MFHAS1: variants seen among roughly 807,000 people sequenced by gnomAD.
The protein encoded by MFHAS1 is multifunctional ROCO family signaling regulator 1, also known as malignant fibrous histiocytoma-amplified sequence 1.
MFHAS1 carries 50 observed loss-of-function variants against 70.4 expected under a neutral mutation model. The observed-to-expected ratio is 0.71, with a 90% CI of 0.57 to 0.90. MFHAS1 has a LOEUF of 0.90. MFHAS1 is among the 40% of genes least tolerant of loss of function. The pLI is 0.00. For synonymous variants in MFHAS1, 952 were observed against 620.0 expected (o/e 1.54, Z -7.96); for missense variants, 1,795 against 1,347.6 (o/e 1.33, Z -5.20).
rs1319641701 is a variant in MFHAS1, at chr8:8,893,589, C to T, written c.-531G>A. 6.8e-6 allele frequency: 1 copy of T among 146,428 alleles called. No homozygotes were observed. Among genetic ancestry groups the T allele is most frequent in the Non-Finnish European group, 1.5e-5 (1 of 65,810 alleles). The allele number at this position is 146,428 out of a possible 1,614,324, so 9.1% of individuals were successfully genotyped here. On this transcript the variant is annotated 5_prime_UTR_variant, in exon 1 of 3. Coordinates refer to ENST00000276282, the MANE Select transcript of MFHAS1 (RefSeq NM_004225.3). The stretch of plus-strand genomic sequence containing the variant: ...CCCCGGGCTCGGGCGGGAGCGCGGG[C>T]GCCGCGTCCCCGGCGCTGGGAGGGC...
intron 1 of MFHAS1, among the ~76,000 whole-genome samples, chr8:8,848,621 T>A (rs1441132507): frequency 2.9e-5 from 2 of 68,792 alleles, no homozygotes; most frequent in East Asian, 2.3e-3. Context: ...CAGTTATTAA[T>A]TTTTTTTAAA....
Position 8,843,216 on chromosome 8 carries a change from C to T in MFHAS1, c.2999-45725G>A, listed in dbSNP as rs561304767. On this transcript the variant is annotated intron_variant, in intron 1 of 2. Coordinates refer to ENST00000276282, the MANE Select transcript of MFHAS1 (RefSeq NM_004225.3). ...CCCCGGAAGCGGAGCTTGCAGTGAG[C>T]CGAGATTGCGCCACTGCAGTCCGCA... Among the ~76,000 whole-genome samples, 118 of 151,654 alleles carry T rather than the reference C, an allele frequency of 7.8e-4. 2 individuals are homozygous for T. The highest frequency in any genetic ancestry group is 2.6e-3 in the African/African-American group (109 of 41,186).
chr8:8,819,345 C>T (rs1806860883), intron 1 of MFHAS1, among the ~76,000 whole-genome samples: 1 of 152,112 alleles, frequency 6.6e-6, no homozygotes. Flanking sequence ...GTGGCTCACG[C>T]CTGTAATCCC....
At chr8:8,882,704 C>T (rs891020951) in intron 1 of MFHAS1, among the ~76,000 whole-genome samples, 1 of 152,224 alleles carries the variant, frequency 6.6e-6, no homozygotes, top group Non-Finnish European at 1.5e-5. Flanking sequence ...CTGCCCTGTG[C>T]CAGGCATTGC....
chr8:8,832,848 T>G (rs1028546713), intron 1 of MFHAS1, among the ~76,000 whole-genome samples: 2 of 152,178 alleles, frequency 1.3e-5, no homozygotes, highest in African/African-American at 2.4e-5. Flanking sequence ...TTGCCCAGGC[T>G]AAGAATTTTT....
chr8:8,823,018 C>A (rs917182423), intron 1 of MFHAS1, among the ~76,000 whole-genome samples: 22 of 152,010 alleles, frequency 1.4e-4, no homozygotes, highest in Non-Finnish European at 8.8e-5. Context: ...GACAGAAGAC[C>A]GGGAAGGAGA....
chr8:8,880,558 GTT>G (rs1809478472), intron 1 of MFHAS1, among the ~76,000 whole-genome samples: 1 of 152,172 alleles, frequency 6.6e-6, no homozygotes, highest in Non-Finnish European at 1.5e-5. Context: ...CATGACTCCA[GTT>G]TCCCTGCCTC....
rs551979629 is a variant in MFHAS1 at position 8,830,759 on chromosome 8, G to A, written c.2999-33268C>T. Among the ~76,000 whole-genome samples the A allele has an allele frequency of 8.5e-5, 13 of 152,148 alleles. 1 individual carries two copies. Among genetic ancestry groups the A allele is most frequent in the Admixed American group, 5.9e-4 (9 of 15,284 alleles). ...CTGGGATTACAGCACCACCATGCCC[G>A]GCTAATTTTTGTATTTTTAGTAGAG... On this transcript the variant is annotated intron_variant, in intron 1 of 2. Transcript: ENST00000276282.
chr8:8,879,480 G>C (rs1208181006), intron 1 of MFHAS1, among the ~76,000 whole-genome samples: 1 of 152,126 alleles, frequency 6.6e-6, no homozygotes, highest in Non-Finnish European at 1.5e-5. Context: ...CACAAGTTCT[G>C]CCTGAGATTT....
At chr8:8,799,813 C>T (rs1374990590) in intron 1 of MFHAS1, among the ~76,000 whole-genome samples, 1 of 152,206 alleles carries the variant, frequency 6.6e-6, no homozygotes, top group Non-Finnish European at 1.5e-5. Flanking sequence ...CCCGCAAAGG[C>T]CACACTGATA....
intron 1 of MFHAS1, among the ~76,000 whole-genome samples, chr8:8,875,942 T>A (rs1809273782): frequency 6.6e-6 from 1 of 152,202 alleles, no homozygotes; most frequent in South Asian, 2.1e-4. Flanking sequence ...GGTGTTCATA[T>A]GAACAGAGAT....
At chr8:8,859,032 A>G (rs764020564) in intron 1 of MFHAS1, among the ~76,000 whole-genome samples, 16 of 152,338 alleles carry the variant, frequency 1.1e-4, no homozygotes, top group South Asian at 1.0e-3. Context: ...TCTTCAGTCA[A>G]TAAGTTTGAA....
rs554750044 is a variant in MFHAS1, at chr8:8,885,277, C to T, written c.2998+4784G>A. 9.3e-5 allele frequency among the ~76,000 whole-genome samples: 14 copies of T among 150,018 alleles called. No individual in the cohort carries two copies. In the South Asian group the frequency reaches 2.9e-3, roughly 32 times the overall value. On this transcript the variant is annotated intron_variant, in intron 1 of 2. Coordinates refer to ENST00000276282, the MANE Select transcript of MFHAS1 (RefSeq NM_004225.3). ...AAAGCCACATAACTCATTCTGTCTACTGATTTGGGTTGCTTTCTCCTTATT... is the reference window on the plus strand; with the variant it reads ...AAAGCCACATAACTCATTCTGTCTATTGATTTGGGTTGCTTTCTCCTTATT...
chr8:8,805,160 A>C (rs191368161), intron 1 of MFHAS1, among the ~76,000 whole-genome samples: 1 of 152,238 alleles, frequency 6.6e-6, no homozygotes, highest in East Asian at 1.9e-4. Flanking sequence ...AGCCAAGGGG[A>C]AAAAACTGCT....
chr8:8,789,655 C>G (rs1017405485), intron 2 of MFHAS1, among the ~76,000 whole-genome samples: 3 of 152,262 alleles, frequency 2.0e-5, no homozygotes, highest in African/African-American at 7.2e-5. Flanking sequence ...TACTCCGGAC[C>G]TTGCAAACTC....
In MFHAS1 at chr8:8,893,171, G is replaced by A; in HGVS notation, c.-113C>T. The A allele has an allele frequency of 3.3e-6, 2 of 608,850 alleles. No individual in the cohort carries two copies. Among genetic ancestry groups the A allele is most frequent in the Non-Finnish European group, 4.6e-6 (2 of 437,682 alleles). 37.7% of individuals were successfully genotyped at this position (608,850 alleles called of 1,614,324 possible). ...CCTGCCTGCCCTCCCGCGCTCGGCGGCCGGCGGCCGCGGGTCCTAGCGCAG... is the reference window on the plus strand; with the variant it reads ...CCTGCCTGCCCTCCCGCGCTCGGCGACCGGCGGCCGCGGGTCCTAGCGCAG... On this transcript the variant is annotated 5_prime_UTR_variant, in exon 1 of 3. Transcript: ENST00000276282.
At chr8:8,816,667 C>A (rs1806758757) in intron 1 of MFHAS1, among the ~76,000 whole-genome samples, 1 of 152,066 alleles carries the variant, frequency 6.6e-6, no homozygotes. Context: ...GTAGAAAGTT[C>A]TCATATTAAT....
At chr8:8,847,879 C>T (rs2116865807) in intron 1 of MFHAS1, among the ~76,000 whole-genome samples, 1 of 152,270 alleles carries the variant, frequency 6.6e-6, no homozygotes, top group South Asian at 2.1e-4. Context: ...TGCTGAACAA[C>T]CTCAATTTCA....
At chr8:8,888,830 C>T (rs1398393148) in intron 1 of MFHAS1, among the ~76,000 whole-genome samples, 1 of 151,964 alleles carries the variant, frequency 6.6e-6, no homozygotes, top group African/African-American at 2.4e-5. Context: ...CAGAGTAAAC[C>T]CTGTGTAAAC....
Sources: allele counts gnomAD v4.1 joint callset (sites outside exome capture counted in the v4.1 genomes callset), GRCh38; gene constraint gnomAD v4.1.1; transcripts MANE v1.5; gene names NCBI Gene and HGNC (gene_info 2026-07-23, HGNC 2026-07-21).